Variants in CUX1 observed in about 807,000 individuals in gnomAD.
The protein encoded by CUX1 is cut like homeobox 1.
In CUX1, 31 loss-of-function variants were observed where a neutral mutation model predicts 158.8. That is an observed-to-expected ratio of 0.20 (90% CI 0.15 to 0.26). The LOEUF (loss-of-function observed/expected upper bound fraction) is 0.26, where lower values mean the gene tolerates loss of function less well. CUX1 is among the 10% of genes least tolerant of loss of function. The pLI is 1.00. For missense variants in CUX1, 1,589 were observed against 2,014.6 expected, an observed-to-expected ratio of 0.79 and a Z score of 4.04; for synonymous variants, 879 against 862.1, an observed-to-expected ratio of 1.02 and a Z score of -0.34.
At position 102,196,035 on chromosome 7, in the gene CUX1, T is replaced by G. The variant is rs188135557; in HGVS notation, c.1222+432T>G. Among the ~76,000 whole-genome samples the G allele has an allele frequency of 4.5e-4, 69 of 152,342 alleles. 1 individual carries two copies. The East Asian group carries it at 0.01, about 23-fold the overall frequency. ...TTTTCTTCCTTGGTCAGGTTTCCCCTGGGGACGCGTCCCCCATCCTTAGCC... is the reference window on the plus strand; with the variant it reads ...TTTTCTTCCTTGGTCAGGTTTCCCCGGGGGACGCGTCCCCCATCCTTAGCC... On this transcript the variant is annotated intron_variant, in intron 14 of 23. Transcript: ENST00000292535.
At chr7:101,951,147 T>C (rs561937564) in intron 2 of CUX1, among the ~76,000 whole-genome samples, 2 of 152,206 alleles carry the variant, frequency 1.3e-5, no homozygotes, top group Non-Finnish European at 2.9e-5. Flanking sequence ...CTGGGCAACA[T>C]AGCAAAACAC....
intron 1 of CUX1, among the ~76,000 whole-genome samples, chr7:101,826,463 A>C (rs1299682161): frequency 6.6e-6 from 1 of 151,858 alleles, no homozygotes; most frequent in Non-Finnish European, 1.5e-5. Context: ...TGGTCTCCTA[A>C]AGTACTGGGA....
chr7:102,259,051 A>G (rs1790180816), downstream of CUX1, among the ~76,000 whole-genome samples: 1 of 152,192 alleles, frequency 6.6e-6, no homozygotes, highest in Non-Finnish European at 1.5e-5. Context: ...ACTTGGTCGC[A>G]TATTAATTTG....
Position 102,197,188 on chromosome 7 carries a change from C to T in CUX1, c.1777C>T (p.Pro593Ser). The T allele has an allele frequency of 6.2e-7, 1 of 1,614,238 alleles. No individual in the cohort carries two copies. Among genetic ancestry groups the T allele is most frequent in the Non-Finnish European group, 8.5e-7 (1 of 1,180,048 alleles). Residue 593 changes from proline (P) to serine (S), a missense_variant, in exon 15 of 24, where the codon CCC becomes TCC. Around this residue, in one of 8 missense-constraint regions of CUX1, gnomAD observed 37 missense variants for 124.9 expected, o/e 0.30. Transcript: ENST00000292535. ...QGSVSEILAR[P>S]KPWNKLTVRG... is the part of the protein sequence containing the mutation. ...GTCCGTGAGCGAGATTCTGGCCCGG[C>T]CCAAGCCATGGAATAAACTGACTGT...
chr7:102,195,541 A>G lies in CUX1; in HGVS notation c.1160A>G (p.Glu387Gly), dbSNP rs782285275. The change falls in exon 14 of 24, where the codon GAG becomes GGG. Residue 387 changes from glutamate (E) to glycine (G), a missense_variant. By Grantham distance (98) the Glu-to-Gly change is moderately conservative. Around this residue, in one of 8 missense-constraint regions of CUX1, gnomAD observed 515 missense variants for 574.4 expected, o/e 0.90. Coordinates refer to ENST00000292535, the MANE Select transcript of CUX1 (RefSeq NM_181552.4). Reference protein sequence around the residue: ...AAKPLEVLLLEKNRSLQSENA... With the variant: ...AAKPLEVLLLGKNRSLQSENA... ...AAGCCCCTGGAGGTGCTGTTGCTGG[A>G]GAAGAACCGCTCGCTGCAGTCCGAG... The G allele has an allele frequency of 3.7e-6, 6 of 1,612,810 alleles. No individual in the cohort carries two copies. The South Asian group carries it at 5.5e-5, about 15-fold the overall frequency.
At chr7:102,084,519 G>A (rs1252468050) in intron 4 of CUX1, among the ~76,000 whole-genome samples, 1 of 136,852 alleles carries the variant, frequency 7.3e-6, no homozygotes, top group Non-Finnish European at 1.7e-5. Context: ...CGCCTTCTGG[G>A]TTTAAGCAAT....
At chr7:102,104,684 G>T (rs1830149741) in intron 6 of CUX1, among the ~76,000 whole-genome samples, 1 of 152,112 alleles carries the variant, frequency 6.6e-6, no homozygotes. Context: ...GAGGTCAGGA[G>T]TTCGAGACCA....
At chr7:102,200,270 C>A in intron 17 of CUX1, 98 bp downstream of exon 17, 4 of 911,026 alleles carry the variant, frequency 4.4e-6, no homozygotes, top group Non-Finnish European at 6.5e-6. Flanking sequence ...TTTTTTTAAA[C>A]AATAATGAAT....
intron 3 of CUX1, among the ~76,000 whole-genome samples, chr7:102,054,399 A>G (rs1823888124): frequency 6.6e-6 from 1 of 152,168 alleles, no homozygotes; most frequent in Non-Finnish European, 1.5e-5. Context: ...TCCCAGCAAC[A>G]TTTGTTGAAA....
chr7:101,887,887 G>T (rs1327211850), intron 1 of CUX1, among the ~76,000 whole-genome samples: 2 of 141,642 alleles, frequency 1.4e-5, no homozygotes, highest in South Asian at 4.4e-4. Flanking sequence ...ATGATTCATC[G>T]GATCTCTTTT....
chr7:102,208,251 TG>T (rs1796147925), intron 20 of CUX1, among the ~76,000 whole-genome samples: 1 of 152,078 alleles, frequency 6.6e-6, no homozygotes, highest in Non-Finnish European at 1.5e-5. Context: ...TGTGTGTGTG[TG>T]TGTGTCTGTG....
At chr7:101,995,262 G>T (rs1323927781) in intron 2 of CUX1, among the ~76,000 whole-genome samples, 1 of 152,110 alleles carries the variant, frequency 6.6e-6, no homozygotes, top group Non-Finnish European at 1.5e-5. Flanking sequence ...CATCCAGGCC[G>T]CCATGGCTCA....
intron 1 of CUX1, among the ~76,000 whole-genome samples, chr7:101,854,659 C>A (rs1257389240): frequency 3.3e-5 from 5 of 152,334 alleles, no homozygotes; most frequent in African/African-American, 9.6e-5. Flanking sequence ...TTCTGTGGCA[C>A]CCCATTCTCA....
intron 1 of CUX1, among the ~76,000 whole-genome samples, chr7:101,877,884 T>G (rs941829398): frequency 5.9e-5 from 9 of 152,052 alleles, no homozygotes; most frequent in Admixed American, 4.6e-4. Flanking sequence ...ATATTTGGGT[T>G]GCTTCCTTGA....
At position 102,033,165 on chromosome 7, in the gene CUX1, G is replaced by C. The variant is rs1416611890; in HGVS notation, c.189+5020G>C. Among the ~76,000 whole-genome samples, 2 of 152,104 alleles carry C rather than the reference G, an allele frequency of 1.3e-5. 1 individual carries two copies. The highest frequency in any genetic ancestry group is 3.8e-4 in the East Asian group (2 of 5,196). Reference sequence around the variant, plus strand: ...TAAGCATCGGCTTTATAAAATTACAGTAGGCTGGTATGATGGCTCACGCCT... The same window carrying C: ...TAAGCATCGGCTTTATAAAATTACACTAGGCTGGTATGATGGCTCACGCCT... On this transcript the variant is annotated intron_variant, in intron 3 of 23. Transcript: ENST00000292535.
At chr7:101,834,004 C>T (rs1429114629) in intron 1 of CUX1, among the ~76,000 whole-genome samples, 1 of 152,016 alleles carries the variant, frequency 6.6e-6, no homozygotes, top group Non-Finnish European at 1.5e-5. Flanking sequence ...CTACCCTGTG[C>T]AGCCACGTGC....
rs139276217 is a variant in CUX1, at chr7:101,869,042, G to T, written c.31-47073G>T. The stretch of plus-strand genomic sequence containing the variant: ...CGCTTCCGCAGGAGATGGTGCGGCT[G>T]GGGTGGAGACTTCCTGGCTTCCGAG... On this transcript the variant is annotated intron_variant, in intron 1 of 23. Transcript: ENST00000292535. The surrounding 1 kb of genome is among the most constrained non-coding windows in gnomAD (Gnocchi z 4.5). Among the ~76,000 whole-genome samples the T allele has an allele frequency of 4.7e-3, 713 of 151,816 alleles. 5 individuals carry two copies. The highest frequency in any genetic ancestry group is 0.016 in the African/African-American group (647 of 41,498).
Position 102,252,300 on chromosome 7 carries a change from G to A in CUX1, c.*3258G>A. 4 of 985,390 alleles carry A rather than the reference G, an allele frequency of 4.1e-6. No individual in the cohort carries two copies. Among genetic ancestry groups the A allele is most frequent in the Non-Finnish European group, 4.8e-6 (4 of 829,936 alleles). 61.0% of individuals were successfully genotyped at this position (985,390 alleles called of 1,614,324 possible). ...GGTTAATCTCTCATCTTGCTAAGCAGTATTCAAGTGCCTTGAACAGTGTCC... is the reference window on the plus strand; with the variant it reads ...GGTTAATCTCTCATCTTGCTAAGCAATATTCAAGTGCCTTGAACAGTGTCC... On this transcript the variant is annotated 3_prime_UTR_variant, in exon 24 of 24. Transcript: ENST00000292535.
intron 8 of CUX1, among the ~76,000 whole-genome samples, chr7:102,132,319 GCGCGCACGC>G (rs1269398729): frequency 4.9e-3 from 4 of 820 alleles, no homozygotes; most frequent in Non-Finnish European, 0.027. Context: ...GCGCGCGCGC[GCGCGCACGC>G]CACGCACACA....
Sources: gnomAD v4.1 joint callset for allele counts (sites outside exome capture counted in the v4.1 genomes callset) on GRCh38, gnomAD v4.1.1 for gene constraint, gnomAD v4.1.1 regional missense constraint, Gnocchi (gnomAD v3.1) non-coding constraint, MANE v1.5 for transcripts, NCBI Gene and HGNC (gene_info 2026-07-23, HGNC 2026-07-21) for gene names.